Variants in DPF3 observed in about 807,000 individuals in gnomAD.
The protein encoded by DPF3 is zinc finger protein DPF3.
A neutral mutation model predicts 56.8 loss-of-function variants in DPF3; 18 were observed. The ratio of observed to expected loss-of-function variants is 0.32; its 90% CI spans 0.22 to 0.47. The LOEUF (loss-of-function observed/expected upper bound fraction) is 0.47. Ranked by LOEUF, DPF3 falls within the 20% of genes least tolerant of loss-of-function variation. The pLI is 1.00. For synonymous variants in DPF3, 188 were observed against 180.2 expected, an observed-to-expected ratio of 1.04 and a Z score of -0.35; for missense variants, 403 against 488.8, an observed-to-expected ratio of 0.82 and a Z score of 1.65.
intron 1 of DPF3, among the ~76,000 whole-genome samples, chr14:72,854,439 A>C (rs1161118671): frequency 6.6e-6 from 1 of 152,194 alleles, no homozygotes; most frequent in Non-Finnish European, 1.5e-5. Context: ...CAACTTCTTC[A>C]GTCATTTAAG....
At chr14:72,890,832 C>T (rs1374121770) in intron 1 of DPF3, among the ~76,000 whole-genome samples, 1 of 152,130 alleles carries the variant, frequency 6.6e-6, no homozygotes, top group Non-Finnish European at 1.5e-5. Flanking sequence ...GTGATCTGAT[C>T]AGTGCAGGCG....
At chr14:72,742,544 G>A (rs1417503275) in intron 3 of DPF3, 2 of 152,406 alleles carry the variant, frequency 1.3e-5, no homozygotes, top group Non-Finnish European at 2.9e-5. Context: ...GGAAGGCTGG[G>A]GGCAGAAGGA....
At chr14:72,790,413 G>A (rs895620151) in intron 1 of DPF3, among the ~76,000 whole-genome samples, 2 of 152,110 alleles carry the variant, frequency 1.3e-5, no homozygotes, top group East Asian at 3.8e-4. Context: ...TGAATGAATT[G>A]TCTGATGTCC....
chr14:72,693,981 G>C (rs1887804958), intron 6 of DPF3, among the ~76,000 whole-genome samples: 1 of 152,240 alleles, frequency 6.6e-6, no homozygotes, highest in South Asian at 2.1e-4. Context: ...CCCCAGGGCA[G>C]CCAAATCTGT....
intron 1 of DPF3, among the ~76,000 whole-genome samples, chr14:72,792,557 C>G (rs954728843): frequency 3.3e-5 from 5 of 152,194 alleles, no homozygotes; most frequent in Admixed American, 1.3e-4. Context: ...TAGTCCACAC[C>G]ATGGACTCCT....
At chr14:72,879,895 T>A in intron 1 of DPF3, 2 of 1,525,820 alleles carry the variant, frequency 1.3e-6, no homozygotes, top group Non-Finnish European at 1.7e-6. Context: ...CACATCTATA[T>A]GCGTGTTTTC....
At chr14:72,705,987 CT>C (rs1356181787) in intron 6 of DPF3, among the ~76,000 whole-genome samples, 2 of 152,146 alleles carry the variant, frequency 1.3e-5, no homozygotes, top group African/African-American at 4.8e-5. Context: ...CAAATCTTGG[CT>C]CTAGCATTTA....
intron 5 of DPF3, among the ~76,000 whole-genome samples, chr14:72,721,834 A>C (rs1599384300): frequency 6.6e-6 from 1 of 152,226 alleles, no homozygotes; most frequent in African/African-American, 2.4e-5. Flanking sequence ...GGATGGAGAA[A>C]GACATTAAAT....
chr14:72,835,678 G>A (rs1884260442), intron 1 of DPF3, among the ~76,000 whole-genome samples: 1 of 152,138 alleles, frequency 6.6e-6, no homozygotes, highest in Non-Finnish European at 1.5e-5. Context: ...AGACGCTGAT[G>A]AACAGGAGAA....
intron 1 of DPF3, among the ~76,000 whole-genome samples, chr14:72,791,649 A>G (rs9635259): frequency 0.083 from 12,689 of 152,264 alleles, 779 homozygotes; most frequent in South Asian, 0.21. Context: ...CAAAATCACA[A>G]TATCATTTGT....
chr14:72,636,844 A>G lies in DPF3; in HGVS notation c.872-7108T>C, dbSNP rs1244201366. On this transcript the variant is annotated intron_variant, in intron 8 of 10. Coordinates refer to ENST00000556509, the MANE Select transcript of DPF3 (RefSeq NM_001280542.3). ...TCTCTCACCATTTTTATTGCACTTC[A>G]AAGAGGACAAAGAAGAGAAAGAGAA... Among the ~76,000 whole-genome samples the G allele has an allele frequency of 3.9e-5, 6 of 152,212 alleles. No homozygotes were observed. In the East Asian group the frequency reaches 1.2e-3, roughly 29 times the overall value.
chr14:72,777,504 C>A (rs766694513), intron 1 of DPF3, among the ~76,000 whole-genome samples: 10 of 152,152 alleles, frequency 6.6e-5, no homozygotes, highest in Non-Finnish European at 1.3e-4. Flanking sequence ...GAAGGCCTAA[C>A]CCTCAATGTG....
intron 2 of DPF3, among the ~76,000 whole-genome samples, chr14:72,754,036 C>T (rs1478734493): frequency 6.6e-6 from 1 of 152,038 alleles, no homozygotes; most frequent in Non-Finnish European, 1.5e-5. Context: ...GGCAGGAGGC[C>T]AGGGGCTGGG....
intron 2 of DPF3, among the ~76,000 whole-genome samples, chr14:72,762,182 C>T (rs892549345): frequency 2.0e-5 from 3 of 151,682 alleles, no homozygotes; most frequent in Non-Finnish European, 4.4e-5. Context: ...AAATACTTCC[C>T]AACTCATTAT....
At chr14:72,805,237 G>A (rs143551191) in intron 1 of DPF3, among the ~76,000 whole-genome samples, 34 of 152,316 alleles carry the variant, frequency 2.2e-4, no homozygotes, top group African/African-American at 7.0e-4. Flanking sequence ...TTGGGAGGGC[G>A]AGGTGGGCAG....
In DPF3 at chr14:72,836,575, C is replaced by T. The variant is rs948607757; in HGVS notation, c.32+57482G>A. 8 of 953,974 alleles carry T rather than the reference C, an allele frequency of 8.4e-6. No individual in the cohort carries two copies. The African/African-American group carries it at 1.4e-4, about 17-fold the overall frequency. 59.1% of individuals were successfully genotyped at this position (953,974 alleles called of 1,614,324 possible). ...CCTACTGTGATGTCACTCCTTTTATCAGTCTATCTGGATGAATTTTTCCCC... is the reference window on the plus strand; with the variant it reads ...CCTACTGTGATGTCACTCCTTTTATTAGTCTATCTGGATGAATTTTTCCCC... On this transcript the variant is annotated intron_variant, in intron 1 of 10. Transcript: ENST00000556509.
intron 1 of DPF3, among the ~76,000 whole-genome samples, chr14:72,857,637 A>G (rs1325127412): frequency 1.3e-5 from 2 of 152,072 alleles, no homozygotes; most frequent in Non-Finnish European, 2.9e-5. Flanking sequence ...ACCAGGTTGG[A>G]GTGCAGGGGC....
intron 8 of DPF3, among the ~76,000 whole-genome samples, chr14:72,640,046 T>TAAAAAAAAAAAA (rs370070354): frequency 3.1e-4 from 14 of 45,262 alleles, no homozygotes; most frequent in East Asian, 1.5e-3. Context: ...GTTTTCTAAG[T>TAAAAAAAAAAAA]AAAAAAAAAA....
At chr14:72,893,284 G>A (rs1458776472) in intron 1 of DPF3, among the ~76,000 whole-genome samples, 1 of 152,226 alleles carries the variant, frequency 6.6e-6, no homozygotes, top group East Asian at 1.9e-4. Flanking sequence ...CATAAGACCT[G>A]CGGCTTCCCT....
Sources: allele counts gnomAD v4.1 joint callset (sites outside exome capture counted in the v4.1 genomes callset), GRCh38; gene constraint gnomAD v4.1.1; transcripts MANE v1.5; gene names NCBI Gene and HGNC (gene_info 2026-07-23, HGNC 2026-07-21).